Variants in MRPL2 observed in about 807,000 individuals in gnomAD.
MRPL2 encodes the protein large ribosomal subunit protein uL2m.
A neutral mutation model predicts 34.6 loss-of-function variants in MRPL2; 27 were observed. That is an observed-to-expected ratio of 0.78 (90% CI 0.58 to 1.08). The LOEUF (loss-of-function observed/expected upper bound fraction) is 1.08, where lower values mean the gene tolerates loss of function less well. Ranked by LOEUF, MRPL2 falls within the 50% of genes least tolerant of loss-of-function variation. MRPL2 has a pLI of 0.00. For missense variants in MRPL2, 414 were observed against 419.3 expected (o/e 0.99, Z 0.11); for synonymous variants, 155 against 158.0 (o/e 0.98, Z 0.14).
intron 6 of MRPL2, 73 bp downstream of exon 6, chr6:43,055,472 C>CAATG: frequency 7.0e-7 from 1 of 1,424,946 alleles, no homozygotes; most frequent in South Asian, 1.2e-5. Context: ...CACCTGGGAG[C>CAATG]TATCCCAGAC....
In MRPL2 at chr6:43,054,189, CA is replaced by C. The variant is rs375123914; in HGVS notation, c.*84del. ...CTCCCCCGCAAAAAAAAAACAACAA[CA>C]AAAAAAACAAAAAACACCCAAAACA... On this transcript the variant is annotated 3_prime_UTR_variant, in exon 7 of 7. Coordinates refer to ENST00000388752, the MANE Select transcript of MRPL2 (RefSeq NM_015950.5). 3.5e-5 allele frequency: 35 copies of C among 1,002,402 alleles called. No individual in the cohort carries two copies. The highest frequency in any genetic ancestry group is 5.2e-5 in the East Asian group (2 of 38,556). The allele number at this position is 1,002,402 out of a possible 1,614,324, so 62.1% of individuals were successfully genotyped here. A position where few individuals can be genotyped will look rare whatever the true frequency, so the allele number is the denominator to read the frequency against.
At position 43,055,597 on chromosome 6, in the gene MRPL2, C is replaced by T. The variant is rs761498434; in HGVS notation, c.653G>A (p.Arg218Gln). The T allele has an allele frequency of 4.4e-5, 71 of 1,613,970 alleles. No individual in the cohort carries two copies. Among genetic ancestry groups the T allele is most frequent in the Middle Eastern group, 1.6e-4 (1 of 6,084 alleles). ...RAAGTCGVLL[R>Q]KVNGTAIIQL... is the part of the protein sequence containing the mutation. ...GATAATGGCTGTGCCATTCACCTTCCGCAGTAGCACACCACACGTCCCTGG... is the reference window on the plus strand; with the variant it reads ...GATAATGGCTGTGCCATTCACCTTCTGCAGTAGCACACCACACGTCCCTGG... Residue 218 changes from arginine to glutamine, a missense_variant, in exon 6 of 7, where the codon CGG becomes CAG. Transcript: ENST00000388752.
chr6:43,054,670 G>A (rs183158566), intron 6 of MRPL2, among the ~76,000 whole-genome samples, 184 bp from the exon 7 acceptor site: 6 of 152,362 alleles, frequency 3.9e-5, no homozygotes, highest in Non-Finnish European at 7.3e-5. Context: ...AAAACAAAGA[G>A]CTCACGCCAG....
chr6:43,058,972 T>C (rs1397783416), intron 1 of MRPL2: 6 of 669,242 alleles, frequency 9.0e-6, no homozygotes, highest in Non-Finnish European at 1.5e-5. Flanking sequence ...ATAGAGTATT[T>C]GAAAGGAGTT....
Position 43,054,712 on chromosome 6 carries a change from AG to A in MRPL2, c.706-227del, listed in dbSNP as rs1764773630. The stretch of plus-strand genomic sequence containing the variant: ...CAGCACTTTGGGAGGCCAAGGCTGG[AG>A]GATCACTTGAGCTCAGAAGTTCAAG... On this transcript the variant is annotated intron_variant, in intron 6 of 6. Coordinates refer to ENST00000388752, the MANE Select transcript of MRPL2 (RefSeq NM_015950.5). Among the ~76,000 whole-genome samples, 3 of 151,660 alleles carry A rather than the reference AG, an allele frequency of 2.0e-5. No homozygotes were observed. The South Asian group carries it at 6.3e-4, about 32-fold the overall frequency.
At chr6:43,055,359 GA>G (rs879136436) in intron 6 of MRPL2, among the ~76,000 whole-genome samples, 185 bp downstream of exon 6, 17 of 145,798 alleles carry the variant, frequency 1.2e-4, no homozygotes, top group South Asian at 4.3e-4. Context: ...ACTCTGTCTC[GA>G]AAAAAAAAAA....
In MRPL2 at chr6:43,059,314, G is replaced by T. The variant is rs1306798683; in HGVS notation, c.68C>A (p.Pro23His). Residue 23 changes from proline to histidine, a missense_variant, in exon 1 of 7, where the codon CCT becomes CAT. By Grantham distance (77) the Pro-to-His change is moderately conservative. Transcript: ENST00000388752. ...LNLAPPTVAA[P>H]APSLFPAAQM... Reference sequence around the variant, plus strand: ...GGCGGCGGGGAACAGACTCGGGGCAGGGGCGGCGACGGTCGGGGGCGCCAG... The same window carrying T: ...GGCGGCGGGGAACAGACTCGGGGCATGGGCGGCGACGGTCGGGGGCGCCAG... The T allele has an allele frequency of 6.4e-7, 1 of 1,552,030 alleles. No homozygotes were observed. The highest frequency in any genetic ancestry group is 1.2e-5 in the South Asian group (1 of 84,082).
chr6:43,059,695 T>C, upstream of MRPL2: 1 of 1,317,022 alleles, frequency 7.6e-7, no homozygotes, highest in African/African-American at 1.5e-5. Context: ...GGTGAGTCTT[T>C]GAGGGTATCC....
upstream of MRPL2, chr6:43,059,651 C>G (rs1765029949): frequency 7.3e-7 from 1 of 1,363,950 alleles, no homozygotes; most frequent in Non-Finnish European, 9.4e-7. Flanking sequence ...AGGGGCAGTA[C>G]CGGCAAGAGC....
At chr6:43,058,676 C>T (rs1764969718) in intron 1 of MRPL2, among the ~76,000 whole-genome samples, 1 of 152,220 alleles carries the variant, frequency 6.6e-6, no homozygotes, top group African/African-American at 2.4e-5. Context: ...ATCTCCCAAA[C>T]TGTACCATAA....
intron 6 of MRPL2, 26 bp downstream of exon 6, chr6:43,055,519 C>T: frequency 6.2e-7 from 1 of 1,606,800 alleles, no homozygotes; most frequent in East Asian, 2.2e-5. Flanking sequence ...CCTTTGCTGA[C>T]CCCTCCCATC....
rs770188460 is a variant in MRPL2, at chr6:43,054,429, G to A, written c.763C>T (p.Arg255Trp). The A allele has an allele frequency of 1.9e-6, 3 of 1,614,176 alleles. No individual in the cohort carries two copies. The highest frequency in any genetic ancestry group is 3.3e-5 in the Admixed American group (2 of 60,012). The change falls in exon 7 of 7, where the codon CGG (arginine) becomes TGG (tryptophan). Residue 255 changes from arginine to tryptophan, a missense_variant. Coordinates refer to ENST00000388752, the MANE Select transcript of MRPL2 (RefSeq NM_015950.5). The part of the protein sequence containing the change: ...GRVSNVDHNK[R>W]VIGKAGRNRW... ...TTGCGACCTGCCTTGCCAATGACCC[G>A]TTTGTTATGATCAACGTTGGATACT...
Position 43,058,067 on chromosome 6 carries a change from G to C in MRPL2, c.263C>G (p.Thr88Arg). Residue 88 changes from threonine (T) to arginine (R), a missense_variant and splice_region_variant, in exon 2 of 7, where the codon ACA (threonine) becomes AGA (arginine). By Grantham distance (71) the Thr-to-Arg change is moderately conservative. Transcript: ENST00000388752. ...AATCCCCCTGTCCTTGTTCCCACCTGTGTGGTCTCGGCCCCCAGACTTCCT... is the reference window on the plus strand; with the variant it reads ...AATCCCCCTGTCCTTGTTCCCACCTCTGTGGTCTCGGCCCCCAGACTTCCT... ...KMRKSGGRDH[T>R]GRIRVHGIGG... The C allele has an allele frequency of 7.4e-6, 12 of 1,613,902 alleles. No homozygotes were observed. Among genetic ancestry groups the C allele is most frequent in the Non-Finnish European group, 1.0e-5 (12 of 1,180,002 alleles).
intron 6 of MRPL2, among the ~76,000 whole-genome samples, chr6:43,055,166 C>A (rs538602321): frequency 1.3e-5 from 2 of 152,144 alleles, no homozygotes; most frequent in South Asian, 4.2e-4. Flanking sequence ...AGTTTGAGAC[C>A]AGCCTGGCCA....
At chr6:43,058,535 C>G (rs146584769) in intron 1 of MRPL2, among the ~76,000 whole-genome samples, 1 of 152,330 alleles carries the variant, frequency 6.6e-6, no homozygotes, top group East Asian at 1.9e-4. Flanking sequence ...GTGCCAATTC[C>G]TTTTGCCCTC....
At chr6:43,054,981 G>A (rs111613875) in intron 6 of MRPL2, among the ~76,000 whole-genome samples, 7,523 of 152,192 alleles carry the variant, frequency 0.049, 358 homozygotes, top group East Asian at 0.19. Context: ...GGGGGGCTGA[G>A]GCAGAATTGC....
In MRPL2 at chr6:43,054,407, C is replaced by G. The variant is rs199896735; in HGVS notation, c.785G>C (p.Arg262Pro). 1.7e-3 allele frequency: 2,708 copies of G among 1,614,210 alleles called. 44 individuals are homozygous for G. The South Asian group carries it at 0.019, about 11-fold the overall frequency. ...AGGCCTCTTGCCCAGCCAGCGGTTG[C>G]GACCTGCCTTGCCAATGACCCGTTT... ...HNKRVIGKAG[R>P]NRWLGKRPNS... Residue 262 changes from arginine to proline, a missense_variant, in exon 7 of 7, where the codon CGC becomes CCC. Physicochemically the swap from Arg to Pro is moderately radical, Grantham distance 103. Transcript: ENST00000388752.
chr6:43,057,973 C>A, intron 2 of MRPL2, 92 bp downstream of exon 2: 2 of 1,418,948 alleles, frequency 1.4e-6, no homozygotes, highest in Non-Finnish European at 9.8e-7. Context: ...CATTCCTCTG[C>A]CTTACAAGGT....
intron 6 of MRPL2, 40 bp downstream of exon 6, chr6:43,055,505 T>G (rs1349879554): frequency 1.3e-6 from 2 of 1,593,652 alleles, no homozygotes; most frequent in East Asian, 4.5e-5. Flanking sequence ...TTCCAAAAAT[T>G]CCTCCTTTGC....
Sources: gnomAD v4.1 joint callset for allele counts (sites outside exome capture counted in the v4.1 genomes callset) on GRCh38, gnomAD v4.1.1 for gene constraint, MANE v1.5 for transcripts, NCBI Gene and HGNC (gene_info 2026-07-23, HGNC 2026-07-21) for gene names.